The following PRICKLE1 variants were observed in gnomAD, a reference collection of about 807,000 sequenced individuals.
The protein encoded by PRICKLE1 is prickle planar cell polarity protein 1, also known as prickle-like protein 1.
Under a neutral mutation model 70.2 loss-of-function variants are expected in PRICKLE1, and 14 were observed. That is an observed-to-expected ratio of 0.20 (90% CI 0.13 to 0.31). The LOEUF (loss-of-function observed/expected upper bound fraction) is 0.31. Among genes scored for constraint, PRICKLE1 ranks in the 10% least tolerant of loss-of-function variants. PRICKLE1 has a pLI of 1.00. For missense variants in PRICKLE1, 821 were observed against 1,026.2 expected, an observed-to-expected ratio of 0.80 and a Z score of 2.73; for synonymous variants, 357 against 379.9, an observed-to-expected ratio of 0.94 and a Z score of 0.70.
chr12:42,498,897 TCCCTGAAGC>T (rs1485588403), intron 1 of PRICKLE1, among the ~76,000 whole-genome samples: 1 of 152,162 alleles, frequency 6.6e-6, no homozygotes, highest in Non-Finnish European at 1.5e-5. Flanking sequence ...CAGGAAATGT[TCCCTGAAGC>T]CCCATCAGAC....
chr12:42,481,751 C>A (rs958785006), intron 1 of PRICKLE1, among the ~76,000 whole-genome samples: 1 of 152,158 alleles, frequency 6.6e-6, no homozygotes, highest in Non-Finnish European at 1.5e-5. Flanking sequence ...ACAAAATATA[C>A]CACCCTTATG....
At chr12:42,533,328 G>A (rs921145230) in intron 1 of PRICKLE1, among the ~76,000 whole-genome samples, 1 of 151,184 alleles carries the variant, frequency 6.6e-6, no homozygotes, top group Non-Finnish European at 1.5e-5. Context: ...GATTTATGAT[G>A]ACTTAAACAT....
intron 1 of PRICKLE1, among the ~76,000 whole-genome samples, chr12:42,564,950 G>A (rs991328795): frequency 6.6e-6 from 1 of 152,250 alleles, no homozygotes; most frequent in African/African-American, 2.4e-5. Flanking sequence ...AGGAACACTA[G>A]TATTAGCAAA....
At chr12:42,539,126 G>A (rs7316200) in intron 1 of PRICKLE1, among the ~76,000 whole-genome samples, 28,597 of 152,050 alleles carry the variant, frequency 0.19, 2,839 homozygotes, top group East Asian at 0.3. Flanking sequence ...AAACTTGAAC[G>A]TCAAAGTTCT....
At chr12:42,561,171 T>G (rs752911337) in intron 1 of PRICKLE1, among the ~76,000 whole-genome samples, 1 of 152,242 alleles carries the variant, frequency 6.6e-6, no homozygotes, top group Non-Finnish European at 1.5e-5. Flanking sequence ...TACAGCAAGA[T>G]GGTGGAGACT....
intron 1 of PRICKLE1, among the ~76,000 whole-genome samples, chr12:42,567,796 C>CAAA (rs34315516): frequency 1.5e-4 from 18 of 118,422 alleles, no homozygotes; most frequent in East Asian, 5.1e-4. Flanking sequence ...CACTTCATCT[C>CAAA]AAAAAAAAAA....
intron 1 of PRICKLE1, among the ~76,000 whole-genome samples, chr12:42,547,891 T>A (rs2120634876): frequency 6.6e-6 from 1 of 152,258 alleles, no homozygotes; most frequent in African/African-American, 2.4e-5. Context: ...TTTAGGATAT[T>A]TGCATATATG....
At chr12:42,498,597 A>G (rs1939251967) in intron 1 of PRICKLE1, among the ~76,000 whole-genome samples, 1 of 152,202 alleles carries the variant, frequency 6.6e-6, no homozygotes, top group African/African-American at 2.4e-5. Flanking sequence ...AACCTGGACA[A>G]TAGGATGAAA....
At chr12:42,468,432 G>A (rs1938185830) in intron 5 of PRICKLE1, among the ~76,000 whole-genome samples, 194 bp downstream of exon 5, 1 of 151,996 alleles carries the variant, frequency 6.6e-6, no homozygotes, top group Non-Finnish European at 1.5e-5. Flanking sequence ...TGACCATTAT[G>A]GCAAAAAACC....
intron 1 of PRICKLE1, among the ~76,000 whole-genome samples, chr12:42,507,669 A>T (rs1615978): frequency 0.76 from 115,250 of 152,150 alleles, 44,014 homozygotes; most frequent in African/African-American, 0.84. Context: ...CCCATCATAC[A>T]GTCAATGAAG....
intron 7 of PRICKLE1, among the ~76,000 whole-genome samples, chr12:42,461,955 C>G (rs1430701889): frequency 1.3e-5 from 2 of 150,902 alleles, no homozygotes; most frequent in African/African-American, 4.9e-5. Flanking sequence ...TGCGCCACCA[C>G]GCCTGGCTAA....
At chr12:42,557,206 A>T (rs1940427222) in intron 1 of PRICKLE1, among the ~76,000 whole-genome samples, 1 of 152,208 alleles carries the variant, frequency 6.6e-6, no homozygotes, top group Non-Finnish European at 1.5e-5. Flanking sequence ...CCTAGCTAAA[A>T]TAATGGTTGA....
rs961991320 is a variant in PRICKLE1 at position 42,469,478 on chromosome 12, C to G, written c.356G>C (p.Arg119Thr). Residue 119 changes from arginine to threonine, a missense_variant, in exon 4 of 8, where the codon AGA (arginine) becomes ACA (threonine). Arg to Thr is a moderately conservative substitution (Grantham distance 71). Coordinates refer to ENST00000345127, the MANE Select transcript of PRICKLE1 (RefSeq NM_153026.3). ...CTCACACACAGCATGCATGACTGCT[C>G]TGGACAGAAGCTTAATTGTTCCTCT... is the stretch of plus-strand genomic sequence containing the variant. ...LGRGTIKLLSRAVMHAVCEQC... is the reference protein window; with the variant it reads ...LGRGTIKLLSTAVMHAVCEQC... The G allele has an allele frequency of 2.5e-6, 4 of 1,614,068 alleles. No homozygotes were observed. In the African/African-American group the frequency reaches 5.3e-5, roughly 22 times the overall value.
intron 1 of PRICKLE1, chr12:42,483,231 T>TG (rs1255338984): frequency 6.6e-6 from 1 of 152,396 alleles, no homozygotes; most frequent in East Asian, 1.9e-4. Context: ...GGCTGGACGG[T>TG]GGGGCCGAGC....
rs1251183992 is a variant in PRICKLE1, at chr12:42,460,645, T to G, written c.1660A>C (p.Asn554His). ...GAATACAATGATGGCCTTGGCTTGT[T>G]TTCTCCATCCACCGAAGCCCCTAGA... ...NITGASVDGE[N>H]KPRPSLYSLQ... The change falls in exon 8 of 8, where the codon AAC (asparagine) becomes CAC (histidine). Residue 554 changes from asparagine to histidine, a missense_variant. Coordinates refer to ENST00000345127, the MANE Select transcript of PRICKLE1 (RefSeq NM_153026.3). The G allele has an allele frequency of 6.2e-7, 1 of 1,610,566 alleles. No homozygotes were observed. The highest frequency in any genetic ancestry group is 8.5e-7 in the Non-Finnish European group (1 of 1,180,020).
chr12:42,527,736 T>C (rs185279760), intron 1 of PRICKLE1, among the ~76,000 whole-genome samples: 17 of 152,034 alleles, frequency 1.1e-4, no homozygotes, highest in Admixed American at 4.6e-4. Context: ...TGCCCTGATT[T>C]CTTCATTTAT....
chr12:42,475,153 A>G (rs978744865), intron 1 of PRICKLE1, among the ~76,000 whole-genome samples: 12 of 152,200 alleles, frequency 7.9e-5, no homozygotes, highest in Non-Finnish European at 1.8e-4. Flanking sequence ...TACAATTCCC[A>G]CAAGTTCATT....
chr12:42,533,388 C>T (rs1357533787), intron 1 of PRICKLE1, among the ~76,000 whole-genome samples: 1 of 152,122 alleles, frequency 6.6e-6, no homozygotes, highest in Non-Finnish European at 1.5e-5. Flanking sequence ...TGTCTTTGTT[C>T]TGCGTTTCAT....
intron 1 of PRICKLE1, among the ~76,000 whole-genome samples, chr12:42,569,956 C>G (rs1011198686): frequency 6.6e-6 from 1 of 152,210 alleles, no homozygotes; most frequent in African/African-American, 2.4e-5. Context: ...AAGTGACCCC[C>G]GGCACTTCTT....
Sources: allele counts gnomAD v4.1 joint callset (sites outside exome capture counted in the v4.1 genomes callset), GRCh38; gene constraint gnomAD v4.1.1; transcripts MANE v1.5; gene names NCBI Gene and HGNC (gene_info 2026-07-23, HGNC 2026-07-21).